Variants in RGS12 observed in about 807,000 individuals in gnomAD.
RGS12 encodes regulator of G protein signaling 12, also known as regulator of G-protein signaling 12.
In RGS12, 66 loss-of-function variants were observed where a neutral mutation model predicts 120.1. The observed-to-expected ratio is 0.55, with a 90% CI of 0.45 to 0.67. The LOEUF is 0.67. RGS12 is among the 30% of genes least tolerant of loss of function. RGS12 has a pLI of 0.00. For missense variants in RGS12, 1,859 were observed against 1,957.7 expected, an observed-to-expected ratio of 0.95 and a Z score of 0.95; for synonymous variants, 827 against 804.7, an observed-to-expected ratio of 1.03 and a Z score of -0.47.
At chr4:3,288,173 C>A (rs1478348158), upstream of RGS12, among the ~76,000 whole-genome samples, 1 of 152,158 alleles carries the variant, frequency 6.6e-6, no homozygotes. This position sits in a 1 kb window ranked among gnomAD's most constrained non-coding sequence, Gnocchi z 5.2. Flanking sequence ...TGTGCGCAGA[C>A]CCCCAAGAGT....
intron 17 of RGS12, among the ~76,000 whole-genome samples, chr4:3,439,087 T>TG (rs1214335186): frequency 6.2e-5 from 9 of 144,810 alleles, no homozygotes; most frequent in Non-Finnish European, 1.2e-4. Context: ...GCCCTGGGCC[T>TG]GGGGGGGCCC....
rs1722077734 is a variant in RGS12, at chr4:3,414,232, C to A, written c.2181C>A (p.Arg727=). 1 of 1,540,882 alleles carries A rather than the reference C, an allele frequency of 6.5e-7. No homozygotes were observed. The highest frequency in any genetic ancestry group is 2.4e-5 in the East Asian group (1 of 41,108). ...TGCTGCAGGACCCCGTCGGTGTCCGCTACTTCTCTGTGAGTAGGGAAGGGC... is the reference window on the plus strand; with the variant it reads ...TGCTGCAGGACCCCGTCGGTGTCCGATACTTCTCTGTGAGTAGGGAAGGGC... ...ERLLQDPVGV[R]YFSDFLRKEF... The change falls in exon 5 of 18, where the codon CGC becomes CGA. Residue 727 remains arginine, a synonymous_variant. Transcript: ENST00000336727.
chr4:3,288,189 G>A (rs575865987), upstream of RGS12, among the ~76,000 whole-genome samples: 17 of 152,328 alleles, frequency 1.1e-4, no homozygotes, highest in South Asian at 2.9e-3. This position sits in a 1 kb window ranked among gnomAD's most constrained non-coding sequence, Gnocchi z 5.2. Context: ...AGAGTGATGG[G>A]CCCGGCGGGT....
At chr4:3,370,462 T>C in intron 3 of RGS12, 2 of 846,090 alleles carry the variant, frequency 2.4e-6, no homozygotes, top group Non-Finnish European at 1.9e-6. Flanking sequence ...TTCATGTGTC[T>C]GCACCACAGC....
chr4:3,431,927 G>C, intron 17 of RGS12: 1 of 985,520 alleles, frequency 1.0e-6, no homozygotes, highest in Non-Finnish European at 1.2e-6. Context: ...GTGCACGTCT[G>C]TAGATCTGTA....
At position 3,389,983 on chromosome 4, in the gene RGS12, C is replaced by T. The variant is rs751503032; in HGVS notation, c.2020+3546C>T. On this transcript the variant is annotated intron_variant, in intron 4 of 17. Coordinates refer to ENST00000336727, the MANE Select transcript of RGS12 (RefSeq NM_001394154.1). The surrounding 1 kb of genome is among the most constrained non-coding windows in gnomAD (Gnocchi z 5.2). ...CTGTCCACTCAGCTGCCCCCCTACT[C>T]GTCCTCCATGCAGACCTCAGTCTTG... 6.6e-6 allele frequency among the ~76,000 whole-genome samples: 1 copy of T among 152,190 alleles called. No homozygotes were observed. The highest frequency in any genetic ancestry group is 1.5e-5 in the Non-Finnish European group (1 of 68,042).
At chr4:3,327,177 G>A (rs776456962) in intron 2 of RGS12, among the ~76,000 whole-genome samples, 9 of 152,162 alleles carry the variant, frequency 5.9e-5, no homozygotes, top group Admixed American at 1.3e-4. Flanking sequence ...CAAAGTTAAC[G>A]AGAGCATACA....
At chr4:3,291,566 C>T (rs1266206687), upstream of RGS12, among the ~76,000 whole-genome samples, 2 of 152,142 alleles carry the variant, frequency 1.3e-5, no homozygotes, top group Non-Finnish European at 2.9e-5. Context: ...AGGGTGGTCT[C>T]GAACTCCTGA....
At chr4:3,308,728 G>A (rs570464289) in intron 1 of RGS12, among the ~76,000 whole-genome samples, 1 of 152,342 alleles carries the variant, frequency 6.6e-6, no homozygotes, top group African/African-American at 2.4e-5. Flanking sequence ...CCCTGCTCAG[G>A]GCTTGGTGGG....
At chr4:3,329,159 G>C (rs571629584) in intron 2 of RGS12, among the ~76,000 whole-genome samples, 1 of 152,312 alleles carries the variant, frequency 6.6e-6, no homozygotes, top group East Asian at 1.9e-4. Flanking sequence ...TGTGGGTCAA[G>C]AAGAGGAGAA....
At chr4:3,354,287 G>A (rs998825349) in intron 3 of RGS12, among the ~76,000 whole-genome samples, 3 of 152,166 alleles carry the variant, frequency 2.0e-5, no homozygotes, top group Admixed American at 2.0e-4. Context: ...CCTGAGTGGG[G>A]CTCTGCCATG....
chr4:3,287,176 C>G, the RGS12 span, among the ~76,000 whole-genome samples: 3 of 152,184 alleles, frequency 2.0e-5, no homozygotes, highest in Admixed American at 1.3e-4. Context: ...TGTGCAGAGC[C>G]CCGGGAGGGC....
In RGS12 at chr4:3,412,247, C is replaced by A. The variant is rs577342546; in HGVS notation, c.2021-1825C>A. 5.1e-4 allele frequency among the ~76,000 whole-genome samples: 78 copies of A among 152,348 alleles called. 4 individuals are homozygous for A. The South Asian group carries it at 0.013, about 26-fold the overall frequency. On this transcript the variant is annotated intron_variant, in intron 4 of 17. Coordinates refer to ENST00000336727, the MANE Select transcript of RGS12 (RefSeq NM_001394154.1). ...CATGAGGGACACTGTTGGATCAAAG[C>A]CCTGGTTTGGTCTCCTGGGCTCTAG...
At chr4:3,405,126 C>T (rs1300397304) in intron 4 of RGS12, among the ~76,000 whole-genome samples, 2 of 152,206 alleles carry the variant, frequency 1.3e-5, no homozygotes, top group Non-Finnish European at 2.9e-5. Context: ...CAGAATACAG[C>T]TGAACAGTGC....
intron 3 of RGS12, among the ~76,000 whole-genome samples, chr4:3,370,963 TG>T (rs1716918998): frequency 6.6e-6 from 1 of 152,254 alleles, no homozygotes; most frequent in African/African-American, 2.4e-5. Flanking sequence ...TAGTAATTAC[TG>T]GGCACTGATT....
intron 1 of RGS12, among the ~76,000 whole-genome samples, chr4:3,308,023 G>A (rs1046117336): frequency 5.3e-5 from 8 of 152,260 alleles, no homozygotes; most frequent in African/African-American, 1.9e-4. Context: ...AGCATGGCTG[G>A]TGTTTGTGCG....
In RGS12 at chr4:3,365,842, C is replaced by T. The variant is rs1198269973; in HGVS notation, c.1999-20574C>T. On this transcript the variant is annotated intron_variant, in intron 3 of 17. Coordinates refer to ENST00000336727, the MANE Select transcript of RGS12 (RefSeq NM_001394154.1). The surrounding 1 kb of genome is among the most constrained non-coding windows in gnomAD (Gnocchi z 4.0). ...TGAACTGTCCTTAAGATCCTGTGAA[C>T]TCCGGACATGTAATAGGATTCTTCA... Among the ~76,000 whole-genome samples the T allele has an allele frequency of 3.3e-5, 5 of 152,142 alleles. No individual in the cohort carries two copies. The highest frequency in any genetic ancestry group is 1.2e-4 in the African/African-American group (5 of 41,398).
chr4:3,293,765 A>C (rs1723191756), intron 1 of RGS12, among the ~76,000 whole-genome samples: 1 of 149,900 alleles, frequency 6.7e-6, no homozygotes, highest in Non-Finnish European at 1.5e-5. Context: ...GTGTAGACAG[A>C]GAGGGGGCCC....
chr4:3,414,347 G>A, intron 5 of RGS12, 106 bp downstream of exon 5: 1 of 1,293,638 alleles, frequency 7.7e-7, no homozygotes, highest in Non-Finnish European at 1.0e-6. Flanking sequence ...TGCGGGCCCT[G>A]AGCAGCCCCG....
Sources: gnomAD v4.1 joint callset for allele counts (sites outside exome capture counted in the v4.1 genomes callset) on GRCh38, gnomAD v4.1.1 for gene constraint, Gnocchi (gnomAD v3.1) non-coding constraint, MANE v1.5 for transcripts, NCBI Gene and HGNC (gene_info 2026-07-23, HGNC 2026-07-21) for gene names.